EXOG: variants seen among roughly 807,000 people sequenced by gnomAD.
EXOG encodes exo/endonuclease G.
EXOG carries 27 observed loss-of-function variants against 25.8 expected under a neutral mutation model. The observed-to-expected ratio is 1.05, with a 90% CI of 0.77 to 1.45. The LOEUF (loss-of-function observed/expected upper bound fraction) is 1.45. Among genes scored for constraint, EXOG ranks in the 40% most tolerant of loss-of-function variants. The pLI is 0.00. For synonymous variants in EXOG, 133 were observed against 167.0 expected, an observed-to-expected ratio of 0.80 and a Z score of 1.57; for missense variants, 458 against 450.5, an observed-to-expected ratio of 1.02 and a Z score of -0.15.
chr3:38,517,686 T>C (rs1202058331), intron 5 of EXOG, among the ~76,000 whole-genome samples: 2 of 152,226 alleles, frequency 1.3e-5, no homozygotes, highest in African/African-American at 4.8e-5. Context: ...CTCCTCTGCT[T>C]TCTGTGTTCT....
intron 1 of EXOG, 181 bp from the exon 2 acceptor site, chr3:38,497,448 T>C: frequency 7.4e-7 from 1 of 1,359,676 alleles, no homozygotes; most frequent in Non-Finnish European, 9.4e-7. Flanking sequence ...CTGTCTGTTT[T>C]CTTCATCTCA....
rs886241383 is a variant in EXOG, at chr3:38,524,583, G to C, written c.*221G>C. 8.0e-6 allele frequency: 10 copies of C among 1,252,178 alleles called. No individual in the cohort carries two copies. The highest frequency in any genetic ancestry group is 1.0e-5 in the Non-Finnish European group (10 of 989,622). 77.6% of individuals were successfully genotyped at this position (1,252,178 alleles called of 1,614,324 possible). ...CAATCCTCCTGCCTCTGCCCCCTGA[G>C]CAGCTGGGACTACAGGCACACACCA... On this transcript the variant is annotated 3_prime_UTR_variant, in exon 6 of 6. Coordinates refer to ENST00000287675, the MANE Select transcript of EXOG (RefSeq NM_005107.4).
chr3:38,504,485 G>T (rs1483862171), intron 4 of EXOG, among the ~76,000 whole-genome samples: 1 of 152,076 alleles, frequency 6.6e-6, no homozygotes, highest in Non-Finnish European at 1.5e-5. Flanking sequence ...GCCCGGGCTG[G>T]TGTGCAGTGG....
rs2060817188 is a variant in EXOG, at chr3:38,524,232, A to G, written c.977A>G (p.Glu326Gly). ...IEGARSVLRL[E>G]KIMENLKNAE... ...GGAGCCCGATCAGTGCTCAGACTGGAAAAGATCATGGAAAACTTGAAGAAT... is the reference window on the plus strand; with the variant it reads ...GGAGCCCGATCAGTGCTCAGACTGGGAAAGATCATGGAAAACTTGAAGAAT... Residue 326 changes from glutamate to glycine, a missense_variant, in exon 6 of 6, where the codon GAA becomes GGA. Glu to Gly is a moderately conservative substitution (Grantham distance 98). Transcript: ENST00000287675. 1 of 1,614,152 alleles carries G rather than the reference A, an allele frequency of 6.2e-7. No homozygotes were observed. The highest frequency in any genetic ancestry group is 8.5e-7 in the Non-Finnish European group (1 of 1,179,958).
intron 5 of EXOG, chr3:38,523,178 G>A: frequency 7.8e-7 from 1 of 1,285,256 alleles, no homozygotes; most frequent in South Asian, 1.2e-5. Flanking sequence ...TCTAGAGCTG[G>A]GAGTACCCAA....
At position 38,524,743 on chromosome 3, in the gene EXOG, A is replaced by T. The variant is rs1481118347; in HGVS notation, c.*381A>T. The stretch of plus-strand genomic sequence containing the variant: ...TATTTGACTCAGGAACTAATTATTA[A>T]GGGAGCTTTGACACCTGCAGATGGA... On this transcript the variant is annotated 3_prime_UTR_variant, in exon 6 of 6. Transcript: ENST00000287675. 1 of 993,498 alleles carries T rather than the reference A, an allele frequency of 1.0e-6. No individual in the cohort carries two copies. Among genetic ancestry groups the T allele is most frequent in the Admixed American group, 5.9e-5 (1 of 16,952 alleles). The allele number at this position is 993,498 out of a possible 1,614,324, so 61.5% of individuals were successfully genotyped here. A position where few individuals can be genotyped will look rare whatever the true frequency, so the allele number is the denominator to read the frequency against.
chr3:38,522,591 A>C (rs1414763982), intron 5 of EXOG, among the ~76,000 whole-genome samples: 1 of 151,964 alleles, frequency 6.6e-6, no homozygotes, highest in Non-Finnish European at 1.5e-5. Context: ...TGCAACCTCC[A>C]CCTCCCGGGT....
intron 2 of EXOG, among the ~76,000 whole-genome samples, chr3:38,500,493 G>C (rs1294052723): frequency 6.6e-6 from 1 of 152,130 alleles, no homozygotes; most frequent in Non-Finnish European, 1.5e-5. Context: ...ATTCTAAAAA[G>C]CTACATATAT....
In EXOG at chr3:38,506,926, A is replaced by G; in HGVS notation, c.603A>G (p.Leu201=). ...DVWVVSGPLT[L]PQTRGDGKKI... is the part of the protein sequence containing the mutation. ...GGGTGGTATCTGGGCCTTTGACCTT[A>G]CCTCAGACTAGAGGCGATGGAAAGA... The change falls in exon 5 of 6, where the codon TTA becomes TTG. Residue 201 remains leucine (L), a synonymous_variant. Transcript: ENST00000287675. 6.3e-7 allele frequency: 1 copy of G among 1,598,922 alleles called. No individual in the cohort carries two copies. The highest frequency in any genetic ancestry group is 1.7e-5 in the Admixed American group (1 of 59,946).
At chr3:38,515,490 CA>C (rs1054641698) in intron 5 of EXOG, 11 of 169,234 alleles carry the variant, frequency 6.5e-5, no homozygotes, top group Admixed American at 4.4e-4. Context: ...GCCAGGGCTC[CA>C]GGGGGGAAAA....
At chr3:38,496,787 T>TC in intron 1 of EXOG, 2 of 1,438,410 alleles carry the variant, frequency 1.4e-6, no homozygotes, top group Middle Eastern at 1.8e-4. Flanking sequence ...CCGACTTTCT[T>TC]CCCCCCAGTT....
chr3:38,520,317 A>AT (rs2060675425), intron 5 of EXOG, among the ~76,000 whole-genome samples: 1 of 152,106 alleles, frequency 6.6e-6, no homozygotes, highest in Admixed American at 6.5e-5. Flanking sequence ...TATGTATTGT[A>AT]TTTTCTAGTT....
chr3:38,511,050 G>A (rs562110630), intron 5 of EXOG, among the ~76,000 whole-genome samples: 2 of 152,026 alleles, frequency 1.3e-5, no homozygotes, highest in African/African-American at 2.4e-5. Context: ...TAAGTCATCC[G>A]TTCAGCAAAT....
At position 38,497,692 on chromosome 3, in the gene EXOG, G is replaced by A. The variant is rs756411847; in HGVS notation, c.227G>A (p.Cys76Tyr). 2 of 1,608,520 alleles carry A rather than the reference G, an allele frequency of 1.2e-6. No individual in the cohort carries two copies. The highest frequency in any genetic ancestry group is 1.6e-4 in the Middle Eastern group (1 of 6,078). The change falls in exon 2 of 6, where the codon TGT (cysteine) becomes TAT (tyrosine). Residue 76 changes from cysteine (C) to tyrosine (Y), a missense_variant. By Grantham distance (194) the Cys-to-Tyr change is radical. This residue lies in a region of EXOG where 275 missense variants were observed against 230.5 expected (regional missense o/e 1.19). Coordinates refer to ENST00000287675, the MANE Select transcript of EXOG (RefSeq NM_005107.4). ...GFPLTGTEAR[C>Y]YTNHALSYDQ... ...CCTTTAACTGGAACAGAGGCAAGGT[G>A]TTACACTAATCACGCTTTGTCTTAT...
intron 4 of EXOG, among the ~76,000 whole-genome samples, chr3:38,504,039 C>CT (rs1355747580): frequency 6.6e-6 from 1 of 151,988 alleles, no homozygotes; most frequent in African/African-American, 2.4e-5. Flanking sequence ...TATTTCTTAG[C>CT]TTTTTTTAAA....
chr3:38,502,306 T>C (rs1435776934), intron 3 of EXOG, among the ~76,000 whole-genome samples: 5 of 152,236 alleles, frequency 3.3e-5, no homozygotes, highest in Admixed American at 3.3e-4. Context: ...CATAGCTTAC[T>C]GTAGTCTTGA....
In EXOG at chr3:38,515,017, C is replaced by T. The variant is rs141214155; in HGVS notation, c.645+8049C>T. ...GAACTCCTGACTGCAAGTGATCCGC[C>T]TGCCTTAGCCTCCCAAAGTGCTGGG... On this transcript the variant is annotated intron_variant, in intron 5 of 5. Coordinates refer to ENST00000287675, the MANE Select transcript of EXOG (RefSeq NM_005107.4). Among the ~76,000 whole-genome samples the T allele has an allele frequency of 3.7e-3, 568 of 152,284 alleles. 3 individuals carry two copies. Among genetic ancestry groups the T allele is most frequent in the Middle Eastern group, 0.014 (4 of 294 alleles).
chr3:38,497,604 C>CTTTTTTTTT, intron 1 of EXOG, 25 bp from the exon 2 acceptor site: 1 of 1,412,228 alleles, frequency 7.1e-7, no homozygotes, highest in South Asian at 1.4e-5. Flanking sequence ...TCTGCCCCCC[C>CTTTTTTTTT]TTTTTTTTTT....
chr3:38,498,792 A>C (rs1258597820), intron 2 of EXOG: 1 of 379,198 alleles, frequency 2.6e-6, no homozygotes. Flanking sequence ...CCAGTAGATG[A>C]ATGAGGGGGA....
Sources: allele counts gnomAD v4.1 joint callset (sites outside exome capture counted in the v4.1 genomes callset), GRCh38; gene constraint gnomAD v4.1.1; regional missense constraint gnomAD v4.1.1; transcripts MANE v1.5; gene names NCBI Gene and HGNC (gene_info 2026-07-23, HGNC 2026-07-21).